PSAPL1: variants seen among roughly 807,000 people sequenced by gnomAD.
PSAPL1 encodes the protein proactivator polypeptide-like 1.
For missense variants in PSAPL1, 814 were observed against 688.8 expected, an observed-to-expected ratio of 1.18 and a Z score of -2.03; for synonymous variants, 351 against 291.6, an observed-to-expected ratio of 1.20 and a Z score of -2.08.
Position 7,434,672 on chromosome 4 carries a change from T to C in PSAPL1, c.208A>G (p.Ile70Val), listed in dbSNP as rs1452804724. 2.5e-6 allele frequency: 4 copies of C among 1,612,762 alleles called. No homozygotes were observed. The Admixed American group carries it at 6.7e-5, about 27-fold the overall frequency. ...KSLPCDVCQD[I>V]AAAAGNGLNP... ...AGCCCATTGCCAGCGGCGGCTGCTA[T>C]GTCCTGGCATACGTCGCAGGGCAGA... The change falls in exon 1 of 1, where the codon ATA becomes GTA. Residue 70 changes from isoleucine to valine, a missense_variant. Transcript: ENST00000319098.
chr4:7,431,219 C>T lies in PSAPL1; in HGVS notation c.*2095G>A, dbSNP rs1169508446. The T allele has an allele frequency of 6.6e-6, 1 of 152,254 alleles. No individual in the cohort carries two copies. The highest frequency in any genetic ancestry group is 1.5e-5 in the Non-Finnish European group (1 of 68,122). The allele number at this position is 152,254 out of a possible 1,614,324, so 9.4% of individuals were successfully genotyped here. The stretch of plus-strand genomic sequence containing the variant: ...ACCATCTAGTGGAGACGCATGTGCT[C>T]AGTGGGTCTGTGGGAGCAGCTGGTA... On this transcript the variant is annotated 3_prime_UTR_variant, in exon 1 of 1. Coordinates refer to ENST00000319098, the MANE Select transcript of PSAPL1 (RefSeq NM_001085382.2).
chr4:7,431,944 G>C lies in PSAPL1; in HGVS notation c.*1370C>G, dbSNP rs1354925479. 6.6e-6 allele frequency: 1 copy of C among 152,294 alleles called. No individual in the cohort carries two copies. Among genetic ancestry groups the C allele is most frequent in the Non-Finnish European group, 1.5e-5 (1 of 68,104 alleles). The allele number at this position is 152,294 out of a possible 1,614,324, so 9.4% of individuals were successfully genotyped here. A position where few individuals can be genotyped will look rare whatever the true frequency, so the allele number is the denominator to read the frequency against. ...TCCATGGGCCTCAGGTGAAATACCA[G>C]CTTCCACCCCCGGGACTCATGTGTG... On this transcript the variant is annotated 3_prime_UTR_variant, in exon 1 of 1. Transcript: ENST00000319098.
chr4:7,434,223 G>A lies in PSAPL1; in HGVS notation c.657C>T (p.Gly219=), dbSNP rs61730384. The change falls in exon 1 of 1, where the codon GGC becomes GGT. Residue 219 remains glycine (G), a synonymous_variant. Transcript: ENST00000319098. The part of the protein sequence containing the change: ...IQEQCESLGP[G]LAVLCKNYLF... Reference sequence around the variant, plus strand: ...GGTAGTTCTTGCAGAGGACGGCCAGGCCAGGCCCCAAGGACTCACACTGCT... The same window carrying A: ...GGTAGTTCTTGCAGAGGACGGCCAGACCAGGCCCCAAGGACTCACACTGCT... 2.8e-4 allele frequency: 455 copies of A among 1,613,686 alleles called. No homozygotes were observed. In the African/African-American group the frequency reaches 5.5e-3, roughly 20 times the overall value.
chr4:7,434,372 G>A lies in PSAPL1; in HGVS notation c.508C>T (p.Pro170Ser), dbSNP rs1378290700. Residue 170 changes from proline (P) to serine (S), a missense_variant, in exon 1 of 1, where the codon CCC becomes TCC. Transcript: ENST00000319098. ...EAVAPFMANG[P>S]LTFHPRQAPE... ...GCCTGGCGGGGGTGGAAGGTAAGGG[G>A]CCCATTGGCCATGAACGGAGCCACA... 2.5e-6 allele frequency: 4 copies of A among 1,607,568 alleles called. No individual in the cohort carries two copies. The highest frequency in any genetic ancestry group is 1.1e-5 in the South Asian group (1 of 90,062).
chr4:7,431,504 T>G lies in PSAPL1; in HGVS notation c.*1810A>C, dbSNP rs1486855319. On this transcript the variant is annotated 3_prime_UTR_variant, in exon 1 of 1. Transcript: ENST00000319098. The stretch of plus-strand genomic sequence containing the variant: ...GCTCCATCCTGTCCCAGAGAGTGTG[T>G]CAGGTGGGAACACCTACCGGCAGGC... 6.6e-6 allele frequency: 1 copy of G among 152,210 alleles called. No homozygotes were observed. The highest frequency in any genetic ancestry group is 1.5e-5 in the Non-Finnish European group (1 of 68,060). 9.4% of individuals were successfully genotyped at this position (152,210 alleles called of 1,614,324 possible).
rs754420996 is a variant in PSAPL1, at chr4:7,434,238, C to T, written c.642G>A (p.Glu214=). 6.2e-7 allele frequency: 1 copy of T among 1,613,592 alleles called. No individual in the cohort carries two copies. The highest frequency in any genetic ancestry group is 8.5e-7 in the Non-Finnish European group (1 of 1,179,896). Residue 214 remains glutamate, a synonymous_variant, in exon 1 of 1, where the codon GAG becomes GAA. Coordinates refer to ENST00000319098, the MANE Select transcript of PSAPL1 (RefSeq NM_001085382.2). ...GGACGGCCAGGCCAGGCCCCAAGGA[C>T]TCACACTGCTCCTGGATGTTCAAGT... ...LADLNIQEQC[E]SLGPGLAVLC...
At position 7,434,799 on chromosome 4, in the gene PSAPL1, T is replaced by C; in HGVS notation, c.81A>G (p.Ala27=). ...CCTGACACCACACCGTGGAGCCCTTTGCACACTCCTGGGGGCCTGAGGTGG... is the reference window on the plus strand; with the variant it reads ...CCTGACACCACACCGTGGAGCCCTTCGCACACTCCTGGGGGCCTGAGGTGG... ...ASPTSGPQEC[A]KGSTVWCQDL... Residue 27 remains alanine, a synonymous_variant, in exon 1 of 1, where the codon GCA becomes GCG. Transcript: ENST00000319098. 6.2e-7 allele frequency: 1 copy of C among 1,609,666 alleles called. No homozygotes were observed. The highest frequency in any genetic ancestry group is 8.5e-7 in the Non-Finnish European group (1 of 1,178,376).
chr4:7,434,127 C>G lies in PSAPL1; in HGVS notation c.753G>C (p.Gly251=), dbSNP rs761579710. The G allele has an allele frequency of 6.2e-7, 1 of 1,613,266 alleles. No individual in the cohort carries two copies. The highest frequency in any genetic ancestry group is 8.5e-7 in the Non-Finnish European group (1 of 1,179,352). The change falls in exon 1 of 1, where the codon GGG becomes GGC. Residue 251 remains glycine (G), a synonymous_variant. Coordinates refer to ENST00000319098, the MANE Select transcript of PSAPL1 (RefSeq NM_001085382.2). The stretch of plus-strand genomic sequence containing the variant: ...GTGCCCCTAGCTCCTCACAGAATCC[C>G]CCCTTCCTGCAGAGCTCCTGCGGGG... ...LLPPQELCRK[G]GFCEELGAPA...
Position 7,434,725 on chromosome 4 carries a change from G to A in PSAPL1, c.155C>T (p.Ala52Val), listed in dbSNP as rs1210065199. The change falls in exon 1 of 1, where the codon GCC (alanine) becomes GTC (valine). Residue 52 changes from alanine to valine, a missense_variant. Coordinates refer to ENST00000319098, the MANE Select transcript of PSAPL1 (RefSeq NM_001085382.2). ...CTTCGCGGTGGGTTTGTTCCATACG[G>A]CCCCTTGGCAGTACCCCACAGCCCC... ...RCGAVGYCQG[A>V]VWNKPTAKSL... The A allele has an allele frequency of 6.2e-7, 1 of 1,613,086 alleles. No individual in the cohort carries two copies. Among genetic ancestry groups the A allele is most frequent in the Non-Finnish European group, 8.5e-7 (1 of 1,179,598 alleles).
chr4:7,433,722 C>G lies in PSAPL1; in HGVS notation c.1158G>C (p.Glu386Asp). 1 of 1,613,292 alleles carries G rather than the reference C, an allele frequency of 6.2e-7. No individual in the cohort carries two copies. Among genetic ancestry groups the G allele is most frequent in the Non-Finnish European group, 8.5e-7 (1 of 1,179,750 alleles). ...AGCTGCCCTGGTTCTCCGCGTCCCACTCTGGGGACGGCACGATGGCATAGG... is the reference window on the plus strand; with the variant it reads ...AGCTGCCCTGGTTCTCCGCGTCCCAGTCTGGGGACGGCACGATGGCATAGG... Reference protein sequence around the residue: ...HDAYAIVPSPEWDAENQGSFC... With the variant: ...HDAYAIVPSPDWDAENQGSFC... Residue 386 changes from glutamate (E) to aspartate (D), a missense_variant, in exon 1 of 1, where the codon GAG becomes GAC. By Grantham distance (45) the Glu-to-Asp change is conservative. Transcript: ENST00000319098.
rs1726893762 is a variant in PSAPL1, at chr4:7,431,956, G to T, written c.*1358C>A. 1 of 152,218 alleles carries T rather than the reference G, an allele frequency of 6.6e-6. No homozygotes were observed. Among genetic ancestry groups the T allele is most frequent in the African/African-American group, 2.4e-5 (1 of 41,426 alleles). 9.4% of individuals were successfully genotyped at this position (152,218 alleles called of 1,614,324 possible). The stretch of plus-strand genomic sequence containing the variant: ...AGGTGAAATACCAGCTTCCACCCCC[G>T]GGACTCATGTGTGCGGCTCCCAGAT... On this transcript the variant is annotated 3_prime_UTR_variant, in exon 1 of 1. Coordinates refer to ENST00000319098, the MANE Select transcript of PSAPL1 (RefSeq NM_001085382.2).
rs61740031 is a variant in PSAPL1, at chr4:7,434,346, C to A, written c.534G>T (p.Ala178=). The change falls in exon 1 of 1, where the codon GCG becomes GCT. Residue 178 remains alanine (A), a synonymous_variant. Coordinates refer to ENST00000319098, the MANE Select transcript of PSAPL1 (RefSeq NM_001085382.2). ...AGTCTTGGCACAGAGCTCCTTCAGG[C>A]GCCTGGCGGGGGTGGAAGGTAAGGG... ...NGPLTFHPRQ[A]PEGALCQDCV... 49 of 1,608,248 alleles carry A rather than the reference C, an allele frequency of 3.0e-5. No individual in the cohort carries two copies. The highest frequency in any genetic ancestry group is 1.7e-4 in the Middle Eastern group (1 of 6,054).
In PSAPL1 at chr4:7,431,518, C is replaced by A. The variant is rs922593839; in HGVS notation, c.*1796G>T. ...CAGAGAGTGTGTCAGGTGGGAACAC[C>A]TACCGGCAGGCAGACAGAGAGCCTC... is the stretch of plus-strand genomic sequence containing the variant. On this transcript the variant is annotated 3_prime_UTR_variant, in exon 1 of 1. Transcript: ENST00000319098. 1 of 152,268 alleles carries A rather than the reference C, an allele frequency of 6.6e-6. No homozygotes were observed. Among genetic ancestry groups the A allele is most frequent in the Non-Finnish European group, 1.5e-5 (1 of 68,112 alleles). The allele number at this position is 152,268 out of a possible 1,614,324, so 9.4% of individuals were successfully genotyped here.
chr4:7,430,618 T>A lies in PSAPL1; in HGVS notation c.*2696A>T, dbSNP rs921594771. ...GGCAGCCCGGCGGGAGCCCTCTCCC[T>A]CCTCCCAGGCAGAGATGCTCCTCTG... On this transcript the variant is annotated 3_prime_UTR_variant, in exon 1 of 1. Coordinates refer to ENST00000319098, the MANE Select transcript of PSAPL1 (RefSeq NM_001085382.2). 1 of 152,174 alleles carries A rather than the reference T, an allele frequency of 6.6e-6. No individual in the cohort carries two copies. Among genetic ancestry groups the A allele is most frequent in the Admixed American group, 6.5e-5 (1 of 15,280 alleles). 9.4% of individuals were successfully genotyped at this position (152,174 alleles called of 1,614,324 possible). A position where few individuals can be genotyped will look rare whatever the true frequency, so the allele number is the denominator to read the frequency against.
chr4:7,434,118 A>C lies in PSAPL1; in HGVS notation c.762T>G (p.Cys254Trp), dbSNP rs1560281637. The change falls in exon 1 of 1, where the codon TGT becomes TGG. Residue 254 changes from cysteine to tryptophan, a missense_variant. By Grantham distance (215) the Cys-to-Trp change is radical. Transcript: ENST00000319098. ...AACGGGCAGGTGCCCCTAGCTCCTC[A>C]CAGAATCCCCCCTTCCTGCAGAGCT... ...PQELCRKGGF[C>W]EELGAPARLT... The C allele has an allele frequency of 6.2e-7, 1 of 1,612,788 alleles. No individual in the cohort carries two copies. The highest frequency in any genetic ancestry group is 1.7e-4 in the Middle Eastern group (1 of 6,058).
At position 7,434,130 on chromosome 4, in the gene PSAPL1, C is replaced by T; in HGVS notation, c.750G>A (p.Lys250=). ...CCCCTAGCTCCTCACAGAATCCCCC[C>T]TTCCTGCAGAGCTCCTGCGGGGGGA... The part of the protein sequence containing the change: ...RLLPPQELCR[K]GGFCEELGAP... Residue 250 remains lysine, a synonymous_variant, in exon 1 of 1, where the codon AAG becomes AAA. Transcript: ENST00000319098. 3 of 1,613,376 alleles carry T rather than the reference C, an allele frequency of 1.9e-6. No homozygotes were observed. Among genetic ancestry groups the T allele is most frequent in the Non-Finnish European group, 1.7e-6 (2 of 1,179,442 alleles).
chr4:7,432,384 C>A lies in PSAPL1; in HGVS notation c.*930G>T, dbSNP rs907293945. 6.6e-6 allele frequency: 1 copy of A among 152,142 alleles called. No individual in the cohort carries two copies. The highest frequency in any genetic ancestry group is 6.5e-5 in the Admixed American group (1 of 15,282). 9.4% of individuals were successfully genotyped at this position (152,142 alleles called of 1,614,324 possible). A position where few individuals can be genotyped will look rare whatever the true frequency, so the allele number is the denominator to read the frequency against. ...GAATGCCGGTCTCGGGGGAAAGGGG[C>A]TCCAGAACGTCTCTGTGAATTGTCT... On this transcript the variant is annotated 3_prime_UTR_variant, in exon 1 of 1. Coordinates refer to ENST00000319098, the MANE Select transcript of PSAPL1 (RefSeq NM_001085382.2).
rs1391618763 is a variant in PSAPL1, at chr4:7,432,653, GGAGA to G, written c.*657_*660del. 2 of 151,936 alleles carry G rather than the reference GGAGA, an allele frequency of 1.3e-5. No homozygotes were observed. Among genetic ancestry groups the G allele is most frequent in the African/African-American group, 4.9e-5 (2 of 41,188 alleles). 9.4% of individuals were successfully genotyped at this position (151,936 alleles called of 1,614,324 possible). Reference sequence around the variant, plus strand: ...GGGCAGCGGAGGGTCTGGGGTGCAAGGAGAGAGAGGGACCCTGTAGTGGCTGAGA... The same window carrying G: ...GGGCAGCGGAGGGTCTGGGGTGCAAGGAGAGGGACCCTGTAGTGGCTGAGA... On this transcript the variant is annotated 3_prime_UTR_variant, in exon 1 of 1. Coordinates refer to ENST00000319098, the MANE Select transcript of PSAPL1 (RefSeq NM_001085382.2).
rs560904488 is a variant in PSAPL1 at position 7,431,136 on chromosome 4, C to G, written c.*2178G>C. 1 of 152,512 alleles carries G rather than the reference C, an allele frequency of 6.6e-6. No homozygotes were observed. Among genetic ancestry groups the G allele is most frequent in the Non-Finnish European group, 1.5e-5 (1 of 68,294 alleles). 9.4% of individuals were successfully genotyped at this position (152,512 alleles called of 1,614,324 possible). A position where few individuals can be genotyped will look rare whatever the true frequency, so the allele number is the denominator to read the frequency against. ...GGTGGGGCAGGGCCGTGCTCATGAC[C>G]TGGGTGTGCAGCTGGGCCTGTGGGG... On this transcript the variant is annotated 3_prime_UTR_variant, in exon 1 of 1. Transcript: ENST00000319098.
Sources: allele counts gnomAD v4.1 joint callset, GRCh38; gene constraint gnomAD v4.1.1; transcripts MANE v1.5; gene names NCBI Gene and HGNC (gene_info 2026-07-23, HGNC 2026-07-21).